Variants in FBXO32 observed in about 807,000 individuals in gnomAD.
The protein encoded by FBXO32 is F-box protein 32, also known as F-box only protein 32.
In FBXO32, 15 loss-of-function variants were observed where a neutral mutation model predicts 48.3. That is an observed-to-expected ratio of 0.31 (90% CI 0.21 to 0.48). The LOEUF is 0.48. FBXO32 is among the 20% of genes least tolerant of loss of function. The pLI is 0.99. For synonymous variants in FBXO32, 154 were observed against 165.9 expected (o/e 0.93, Z 0.55); for missense variants, 309 against 432.7 (o/e 0.71, Z 2.54).
intron 6 of FBXO32, among the ~76,000 whole-genome samples, chr8:123,511,004 C>G (rs1816723786): frequency 6.6e-6 from 1 of 152,236 alleles, no homozygotes; most frequent in Admixed American, 6.5e-5. Flanking sequence ...AATGGCTTGG[C>G]TCGGCTGGAG....
In FBXO32 at chr8:123,500,295, C is replaced by T. The variant is rs1816454871; in HGVS notation, c.*3078G>A. Reference sequence around the variant, plus strand: ...ATCTTAACATCCCTGTGGATTTGCTCATACTGCCCTGGGCAGAACTCTTTC... The same window carrying T: ...ATCTTAACATCCCTGTGGATTTGCTTATACTGCCCTGGGCAGAACTCTTTC... On this transcript the variant is annotated 3_prime_UTR_variant, in exon 9 of 9. Transcript: ENST00000517956. The T allele has an allele frequency of 6.6e-6, 1 of 152,196 alleles. No individual in the cohort carries two copies. Among genetic ancestry groups the T allele is most frequent in the African/African-American group, 2.4e-5 (1 of 41,446 alleles). The allele number at this position is 152,196 out of a possible 1,614,324, so 9.4% of individuals were successfully genotyped here.
chr8:123,523,226 A>C (rs1816998152), intron 4 of FBXO32, among the ~76,000 whole-genome samples: 1 of 152,116 alleles, frequency 6.6e-6, no homozygotes, highest in Admixed American at 6.5e-5. Context: ...AACCCAGCTC[A>C]CCTGCCCAAT....
intron 4 of FBXO32, among the ~76,000 whole-genome samples, chr8:123,531,602 C>T (rs552694894): frequency 1.4e-4 from 21 of 152,302 alleles, no homozygotes; most frequent in Middle Eastern, 6.8e-3. Context: ...AGGGTGGGCT[C>T]GGAAGGGGCC....
intron 5 of FBXO32, 87 bp downstream of exon 5, chr8:123,514,153 G>T: frequency 2.2e-6 from 2 of 893,324 alleles, no homozygotes; most frequent in Non-Finnish European, 3.4e-6. Flanking sequence ...ATGTCTTTAA[G>T]TCTAATGACA....
At chr8:123,503,821 T>C (rs1367800416) in intron 8 of FBXO32, among the ~76,000 whole-genome samples, 3 of 152,208 alleles carry the variant, frequency 2.0e-5, no homozygotes, top group African/African-American at 7.2e-5. Context: ...CTCACACCTG[T>C]AATCCCAGCA....
rs904475658 is a variant in FBXO32, at chr8:123,498,503, A to G, written c.*4870T>C. 2.6e-5 allele frequency: 4 copies of G among 152,242 alleles called. No homozygotes were observed. The highest frequency in any genetic ancestry group is 9.6e-5 in the African/African-American group (4 of 41,462). The allele number at this position is 152,242 out of a possible 1,614,324, so 9.4% of individuals were successfully genotyped here. A position where few individuals can be genotyped will look rare whatever the true frequency, so the allele number is the denominator to read the frequency against. ...CCCAGCAGACAAAGTCATGAATATC[A>G]TGGCCCCTTGCTCCTGGCTGCCTCA... is the stretch of plus-strand genomic sequence containing the variant. On this transcript the variant is annotated 3_prime_UTR_variant, in exon 9 of 9. Coordinates refer to ENST00000517956, the MANE Select transcript of FBXO32 (RefSeq NM_058229.4).
chr8:123,538,750 A>G (rs1817357000), intron 1 of FBXO32, among the ~76,000 whole-genome samples: 1 of 152,108 alleles, frequency 6.6e-6, no homozygotes, highest in Non-Finnish European at 1.5e-5. Context: ...ATCAATGACT[A>G]TTTGCGGTAA....
intron 6 of FBXO32, among the ~76,000 whole-genome samples, chr8:123,508,253 G>A (rs1454291594): frequency 7.9e-5 from 12 of 152,108 alleles, no homozygotes; most frequent in Admixed American, 6.6e-4. Context: ...AAAGCACATC[G>A]AAGCCTAAAC....
At chr8:123,539,684 G>C (rs1287471721) in intron 1 of FBXO32, among the ~76,000 whole-genome samples, 1 of 152,192 alleles carries the variant, frequency 6.6e-6, no homozygotes, top group African/African-American at 2.4e-5. Context: ...GGGAGTTCAA[G>C]TTGCCAAAAT....
At chr8:123,530,729 C>T (rs1405280310) in intron 4 of FBXO32, among the ~76,000 whole-genome samples, 1 of 152,002 alleles carries the variant, frequency 6.6e-6, no homozygotes, top group African/African-American at 2.4e-5. Context: ...ATTCTCCTGC[C>T]TCAGCCTCCC....
At position 123,533,245 on chromosome 8, in the gene FBXO32, A is replaced by G. The variant is rs1157750567; in HGVS notation, c.230-5T>C. ...TCCATTTTTCTTGGTGGAAATCTAC[A>G]GAGACAAAAAGAATACACAGCTTTA... On this transcript the variant is annotated splice_polypyrimidine_tract_variant and splice_region_variant and intron_variant, in intron 2 of 8. Transcript: ENST00000517956. 1 of 1,607,496 alleles carries G rather than the reference A, an allele frequency of 6.2e-7. No homozygotes were observed. Among genetic ancestry groups the G allele is most frequent in the East Asian group, 2.2e-5 (1 of 44,840 alleles).
At chr8:123,514,218 G>A (rs762023700) in intron 5 of FBXO32, 22 bp downstream of exon 5, 4 of 1,591,050 alleles carry the variant, frequency 2.5e-6, no homozygotes, top group Non-Finnish European at 3.4e-6. Flanking sequence ...AAAAAGGGGC[G>A]AGAGAGTGAG....
chr8:123,539,940 A>G (rs1264324007), intron 1 of FBXO32, among the ~76,000 whole-genome samples: 1 of 152,174 alleles, frequency 6.6e-6, no homozygotes, highest in Non-Finnish European at 1.5e-5. Context: ...CTAAATGCTG[A>G]GAGTCTCTGA....
chr8:123,526,209 CTTCGATGATCTTTTT>C, intron 4 of FBXO32, among the ~76,000 whole-genome samples: 1 of 151,834 alleles, frequency 6.6e-6, no homozygotes, highest in East Asian at 1.9e-4. Context: ...TGGCAACACC[CTTCGATGATCTTTTT>C]TTTTTTTTGA....
intron 1 of FBXO32, 139 bp from the exon 2 acceptor site, chr8:123,534,953 CT>C: frequency 1.8e-6 from 1 of 541,824 alleles, no homozygotes; most frequent in Non-Finnish European, 3.2e-6. Flanking sequence ...AAAATGATCA[CT>C]CAAAGAAAAA....
chr8:123,529,292 T>C (rs912723986), intron 4 of FBXO32, among the ~76,000 whole-genome samples: 1 of 152,236 alleles, frequency 6.6e-6, no homozygotes. Flanking sequence ...CTTAAGCAAT[T>C]GCCAGATTCA....
At chr8:123,538,889 G>C (rs147037549) in intron 1 of FBXO32, among the ~76,000 whole-genome samples, 27 of 152,314 alleles carry the variant, frequency 1.8e-4, no homozygotes, top group African/African-American at 6.0e-4. Flanking sequence ...TTTGTGGTAA[G>C]TTAAGACCAT....
chr8:123,509,400 G>A (rs951068577), intron 6 of FBXO32, among the ~76,000 whole-genome samples: 9 of 152,174 alleles, frequency 5.9e-5, no homozygotes, highest in Middle Eastern at 3.4e-3. Context: ...CCTCTGCAGA[G>A]TTGAGCTTCT....
At chr8:123,529,978 A>G (rs965338696) in intron 4 of FBXO32, among the ~76,000 whole-genome samples, 6 of 152,222 alleles carry the variant, frequency 3.9e-5, no homozygotes, top group Admixed American at 1.3e-4. Context: ...GATTCTTAGC[A>G]ATGGAAGTTT....
Sources: allele counts gnomAD v4.1 joint callset (sites outside exome capture counted in the v4.1 genomes callset), GRCh38; gene constraint gnomAD v4.1.1; transcripts MANE v1.5; gene names NCBI Gene and HGNC (gene_info 2026-07-23, HGNC 2026-07-21).